RORA: variants seen among roughly 807,000 people sequenced by gnomAD.
The protein encoded by RORA is RAR related orphan receptor A, also known as nuclear receptor ROR-alpha.
A neutral mutation model predicts 69.5 loss-of-function variants in RORA; 7 were observed. That is an observed-to-expected ratio of 0.10 (90% confidence interval 0.06 to 0.19). The LOEUF is 0.19. RORA is among the 10% of genes least tolerant of loss of function. RORA has a pLI of 1.00. For synonymous variants in RORA, 261 were observed against 240.8 expected, an observed-to-expected ratio of 1.08 and a Z score of -0.78; for missense variants, 457 against 663.0, an observed-to-expected ratio of 0.69 and a Z score of 3.41.
chr15:61,195,774 G>C (rs1474362601), intron 1 of RORA: 1 of 152,162 alleles, frequency 6.6e-6, no homozygotes, highest in Non-Finnish European at 1.5e-5. Flanking sequence ...TAGTCAATGA[G>C]TCACAGCCTA....
Position 60,582,631 on chromosome 15 carries a change from G to C in RORA, c.197-50780C>G, listed in dbSNP as rs141630724. Among the ~76,000 whole-genome samples, 12 of 152,296 alleles carry C rather than the reference G, an allele frequency of 7.9e-5. No individual in the cohort carries two copies. In the East Asian group the frequency reaches 2.3e-3, roughly 29 times the overall value. On this transcript the variant is annotated intron_variant, in intron 2 of 10. Coordinates refer to ENST00000335670, the MANE Select transcript of RORA (RefSeq NM_134261.3). ...CAAAGTGAGGGTGTTGGGCTTCAGAGGTTTCTCAACCAGAATTATCTGAGT... is the reference window on the plus strand; with the variant it reads ...CAAAGTGAGGGTGTTGGGCTTCAGACGTTTCTCAACCAGAATTATCTGAGT...
At position 60,826,940 on chromosome 15, in the gene RORA, G is replaced by A. The variant is rs2072971841; in HGVS notation, c.167-148254C>T. Among the ~76,000 whole-genome samples, 7 of 152,286 alleles carry A rather than the reference G, an allele frequency of 4.6e-5. No homozygotes were observed. In the South Asian group the frequency reaches 1.5e-3, roughly 32 times the overall value. On this transcript the variant is annotated intron_variant, in intron 1 of 10. Transcript: ENST00000335670. The stretch of plus-strand genomic sequence containing the variant: ...GAGTCTGGAAACTCCATAACTTTCA[G>A]TAACATTTTAGAATTAGCAGCATCT...
intron 1 of RORA, among the ~76,000 whole-genome samples, chr15:60,978,959 C>CCCTTTTT (rs1423510527): frequency 2.0e-5 from 1 of 48,978 alleles, no homozygotes; most frequent in African/African-American, 7.3e-5. Context: ...TCCAACTTTG[C>CCCTTTTT]TCTTTTTTTT....
chr15:61,191,227 C>T (rs1173052573), intron 1 of RORA, among the ~76,000 whole-genome samples: 2 of 152,238 alleles, frequency 1.3e-5, no homozygotes, highest in African/African-American at 4.8e-5. Context: ...CATCATCATG[C>T]GGAATGGAAA....
chr15:60,770,725 A>G (rs746835488), intron 1 of RORA, among the ~76,000 whole-genome samples: 18 of 152,148 alleles, frequency 1.2e-4, no homozygotes, highest in Non-Finnish European at 1.2e-4. Context: ...TGGGCACAAG[A>G]GATCCTCCTG....
intron 1 of RORA, among the ~76,000 whole-genome samples, chr15:61,155,467 A>T (rs572490272): frequency 6.6e-6 from 1 of 152,316 alleles, no homozygotes; most frequent in African/African-American, 2.4e-5. Flanking sequence ...TTTGAGAAGG[A>T]AAAAACAGTG....
intron 9 of RORA, among the ~76,000 whole-genome samples, chr15:60,500,336 G>A (rs964309159): frequency 6.6e-6 from 1 of 152,018 alleles, no homozygotes; most frequent in African/African-American, 2.4e-5. Flanking sequence ...ATTATACTTT[G>A]GAATGAAATA....
At chr15:60,545,858 G>T (rs2067052559) in intron 2 of RORA, among the ~76,000 whole-genome samples, 1 of 152,080 alleles carries the variant, frequency 6.6e-6, no homozygotes, top group South Asian at 2.1e-4. Context: ...TCCTCAGTGG[G>T]GCAGGCGAGA....
At chr15:60,549,848 C>T (rs2067180203) in intron 2 of RORA, among the ~76,000 whole-genome samples, 1 of 152,096 alleles carries the variant, frequency 6.6e-6, no homozygotes, top group South Asian at 2.1e-4. Context: ...TTTTAAAGTC[C>T]TACTTTTTAT....
At chr15:61,216,302 C>T (rs996207554) in intron 1 of RORA, among the ~76,000 whole-genome samples, 1 of 152,224 alleles carries the variant, frequency 6.6e-6, no homozygotes, top group African/African-American at 2.4e-5. Flanking sequence ...TCACGCTGTT[C>T]TCTCATCAGC....
intron 1 of RORA, among the ~76,000 whole-genome samples, chr15:60,945,793 C>T (rs1226338128): frequency 6.6e-6 from 1 of 152,208 alleles, no homozygotes; most frequent in African/African-American, 2.4e-5. Flanking sequence ...CGAGAGGTCA[C>T]TTCTGTTTGT....
intron 1 of RORA, among the ~76,000 whole-genome samples, chr15:60,870,965 G>C (rs1040478373): frequency 9.2e-5 from 14 of 152,206 alleles, no homozygotes; most frequent in African/African-American, 3.4e-4. Context: ...TACTAGTCCT[G>C]TTAGGAAGAC....
intron 1 of RORA, among the ~76,000 whole-genome samples, chr15:60,936,698 C>T (rs909732435): frequency 6.6e-5 from 10 of 152,228 alleles, no homozygotes; most frequent in African/African-American, 2.2e-4. Flanking sequence ...AGAAACAAGC[C>T]CTTCTGCTCA....
At chr15:60,538,362 C>G (rs540270012) in intron 2 of RORA, among the ~76,000 whole-genome samples, 1 of 152,256 alleles carries the variant, frequency 6.6e-6, no homozygotes, top group East Asian at 1.9e-4. Flanking sequence ...TAATTCTTAC[C>G]TCCCAGGCAG....
intron 2 of RORA, among the ~76,000 whole-genome samples, chr15:60,592,051 C>T (rs923848905): frequency 1.3e-5 from 2 of 152,042 alleles, no homozygotes; most frequent in Non-Finnish European, 2.9e-5. Context: ...CAGACCCTCC[C>T]CTTCCTTTCC....
In RORA at chr15:60,493,148, T is replaced by C. The variant is rs1479639510; in HGVS notation, c.*4307A>G. 1 of 152,182 alleles carries C rather than the reference T, an allele frequency of 6.6e-6. No homozygotes were observed. The highest frequency in any genetic ancestry group is 1.9e-4 in the East Asian group (1 of 5,200). The allele number at this position is 152,182 out of a possible 1,614,324, so 9.4% of individuals were successfully genotyped here. ...ACAAAGAACTGTCAGAAAATAACTT[T>C]TTATTATTATCTTAAAATAATAGCA... On this transcript the variant is annotated 3_prime_UTR_variant, in exon 11 of 11. Coordinates refer to ENST00000335670, the MANE Select transcript of RORA (RefSeq NM_134261.3).
intron 1 of RORA, among the ~76,000 whole-genome samples, chr15:61,051,986 G>A (rs531491531): frequency 6.6e-6 from 1 of 152,306 alleles, no homozygotes; most frequent in South Asian, 2.1e-4. Flanking sequence ...TTGCTTTCTT[G>A]TGCAGCCTGG....
At chr15:61,022,750 T>A (rs1895597812) in intron 1 of RORA, among the ~76,000 whole-genome samples, 1 of 152,190 alleles carries the variant, frequency 6.6e-6, no homozygotes, top group Non-Finnish European at 1.5e-5. Flanking sequence ...TTAATTCTAT[T>A]CTAAAACACG....
Position 60,516,972 on chromosome 15 carries a change from T to C in RORA, c.283-2215A>G, listed in dbSNP as rs563327367. Among the ~76,000 whole-genome samples, 245 of 151,846 alleles carry C rather than the reference T, an allele frequency of 1.6e-3. 1 individual carries two copies. Among genetic ancestry groups the C allele is most frequent in the Non-Finnish European group, 1.0e-3 (68 of 67,998 alleles). On this transcript the variant is annotated intron_variant, in intron 3 of 10. Transcript: ENST00000335670. ...AAAAAAGGAACTAAAGAGCTAAACA[T>C]AGTATAATCCAAGTTTTGTGGAAAA...
Sources: allele counts gnomAD v4.1 joint callset (sites outside exome capture counted in the v4.1 genomes callset), GRCh38; gene constraint gnomAD v4.1.1; transcripts MANE v1.5; gene names NCBI Gene and HGNC (gene_info 2026-07-23, HGNC 2026-07-21).